The following CR1L variants were observed in gnomAD, a reference collection of about 807,000 sequenced individuals.
The protein encoded by CR1L is complement C3b/C4b receptor 1 like, also known as complement component receptor 1-like protein.
CR1L carries 59 observed loss-of-function variants against 62.3 expected under a neutral mutation model. That is an observed-to-expected ratio of 0.95 (90% CI 0.77 to 1.18). The LOEUF (loss-of-function observed/expected upper bound fraction) is 1.18, where lower values mean the gene tolerates loss of function less well. CR1L is among the 50% of genes most tolerant of loss of function. CR1L has a pLI of 0.00. For missense variants in CR1L, 700 were observed against 702.8 expected (o/e 1.00, Z 0.04); for synonymous variants, 279 against 248.7 (o/e 1.12, Z -1.15).
At chr1:207,717,762 T>C (rs1558027579) in intron 11 of CR1L, 71 bp downstream of exon 11, 1 of 1,555,788 alleles carries the variant, frequency 6.4e-7, no homozygotes, top group East Asian at 2.3e-5. Context: ...ATTTCTATAG[T>C]GACAGTCATT....
intron 2 of CR1L, 71 bp from the exon 3 acceptor site, chr1:207,678,127 T>G: frequency 1.2e-5 from 16 of 1,359,596 alleles, no homozygotes; most frequent in Non-Finnish European, 1.5e-5. Context: ...ATAGGCAGGT[T>G]GAGACCTTAT....
intron 1 of CR1L, among the ~76,000 whole-genome samples, chr1:207,673,759 G>A (rs1007132425): frequency 7.9e-5 from 12 of 151,948 alleles, no homozygotes; most frequent in African/African-American, 1.9e-4. Flanking sequence ...TAGTTCAACC[G>A]TTTCTTAAAA....
At chr1:207,669,358 A>G (rs978449803) in intron 1 of CR1L, 7 of 848,072 alleles carry the variant, frequency 8.3e-6, no homozygotes, top group Admixed American at 2.0e-5. Flanking sequence ...GAGCACAAGG[A>G]TTGGTCACTC....
At chr1:207,698,612 C>T (rs1186321969) in intron 7 of CR1L, among the ~76,000 whole-genome samples, 2 of 152,176 alleles carry the variant, frequency 1.3e-5, no homozygotes, top group Admixed American at 6.5e-5. Context: ...GGCATCGGGG[C>T]CCAACAGACA....
At chr1:207,702,103 G>A (rs914412082) in intron 9 of CR1L, among the ~76,000 whole-genome samples, 4 of 152,116 alleles carry the variant, frequency 2.6e-5, no homozygotes, top group African/African-American at 9.7e-5. Context: ...ATGTCAGTTG[G>A]CATCATTTAT....
At chr1:207,657,137 T>C (rs1208916891) in intron 1 of CR1L, 1 of 799,698 alleles carries the variant, frequency 1.3e-6, no homozygotes, top group Admixed American at 1.8e-5. Context: ...TTTGTGCACA[T>C]GACCTCCAAA....
At position 207,645,290 on chromosome 1, in the gene CR1L, G is replaced by T; in HGVS notation, c.57G>T (p.Leu19Phe). 1 of 1,613,958 alleles carries T rather than the reference G, an allele frequency of 6.2e-7. No individual in the cohort carries two copies. The highest frequency in any genetic ancestry group is 8.5e-7 in the Non-Finnish European group (1 of 1,180,010). ...RPFPSRRFPG[L>F]LLAALVLLLS... Reference sequence around the variant, plus strand: ...TTCCTTCCCGGCGCTTTCCTGGGTTGCTTCTGGCGGCCCTGGTGTTGCTGC... The same window carrying T: ...TTCCTTCCCGGCGCTTTCCTGGGTTTCTTCTGGCGGCCCTGGTGTTGCTGC... The change falls in exon 1 of 12, where the codon TTG (leucine) becomes TTT (phenylalanine). Residue 19 changes from leucine (L) to phenylalanine (F), a missense_variant. Leu to Phe is a conservative substitution (Grantham distance 22). Coordinates refer to ENST00000508064, the MANE Select transcript of CR1L (RefSeq NM_175710.2).
At position 207,681,514 on chromosome 1, in the gene CR1L, T is replaced by C. The variant is rs192432755; in HGVS notation, c.378-2358T>C. Among the ~76,000 whole-genome samples the C allele has an allele frequency of 3.3e-5, 5 of 152,358 alleles. No homozygotes were observed. The East Asian group carries it at 9.6e-4, about 29-fold the overall frequency. ...AACCATTATTTGTTCAAGTACTTAA[T>C]CTACTTTGGGACACAAGTTTAATAA... On this transcript the variant is annotated intron_variant, in intron 3 of 11. Transcript: ENST00000508064.
At chr1:207,683,098 C>G (rs1456702990) in intron 3 of CR1L, among the ~76,000 whole-genome samples, 1 of 146,846 alleles carries the variant, frequency 6.8e-6, no homozygotes, top group South Asian at 2.2e-4. Context: ...CTTTCTCTTT[C>G]TCTCTCTCTC....
chr1:207,700,755 G>T (rs961576941), intron 8 of CR1L, among the ~76,000 whole-genome samples: 2 of 152,166 alleles, frequency 1.3e-5, no homozygotes, highest in Admixed American at 6.5e-5. Context: ...TCCCAAGAAC[G>T]TAGGCCCCTT....
chr1:207,708,054 T>C (rs1241130063), intron 9 of CR1L, 124 bp from the exon 10 acceptor site: 1 of 1,155,640 alleles, frequency 8.7e-7, no homozygotes, highest in Non-Finnish European at 1.3e-6. Flanking sequence ...GAACAATAGG[T>C]AAAGTTTAGG....
At chr1:207,695,162 G>C (rs182564049) in intron 5 of CR1L, among the ~76,000 whole-genome samples, 24 of 152,220 alleles carry the variant, frequency 1.6e-4, no homozygotes, top group African/African-American at 5.3e-4. Context: ...GTCTTGATCT[G>C]TCACTCAAGT....
Position 207,694,449 on chromosome 1 carries a change from G to A in CR1L, c.560G>A (p.Cys187Tyr), listed in dbSNP as rs766799888. 6.2e-7 allele frequency: 1 copy of A among 1,614,000 alleles called. No homozygotes were observed. The highest frequency in any genetic ancestry group is 8.5e-7 in the Non-Finnish European group (1 of 1,179,902). ...TATGGATCAGTGGTGACCTACCACTGCAATCTTGGAAGCAGAGGGAAAAAG... is the reference window on the plus strand; with the variant it reads ...TATGGATCAGTGGTGACCTACCACTACAATCTTGGAAGCAGAGGGAAAAAG... The part of the protein sequence containing the change: ...FHYGSVVTYH[C>Y]NLGSRGKKVF... The change falls in exon 5 of 12, where the codon TGC (cysteine) becomes TAC (tyrosine). Residue 187 changes from cysteine to tyrosine, a missense_variant. Coordinates refer to ENST00000508064, the MANE Select transcript of CR1L (RefSeq NM_175710.2).
chr1:207,722,232 G>A (rs1455933431), intron 11 of CR1L, among the ~76,000 whole-genome samples: 31 of 112,474 alleles, frequency 2.8e-4, no homozygotes, highest in African/African-American at 8.2e-4. Flanking sequence ...TTTTGTTGCC[G>A]TTGCTTTTGG....
At chr1:207,680,697 A>G (rs982600529) in intron 3 of CR1L, among the ~76,000 whole-genome samples, 1 of 152,242 alleles carries the variant, frequency 6.6e-6, no homozygotes, top group Non-Finnish European at 1.5e-5. Flanking sequence ...GACTGTGGCT[A>G]TGCAGCCTGA....
In CR1L at chr1:207,645,346, G is replaced by A; in HGVS notation, c.97+16G>A. ...TCCTTCTCCGGTAGGACCCCGGGGT[G>A]GATTCGCGCGTCCGCGGCGAGGCTA... On this transcript the variant is annotated intron_variant, in intron 1 of 11. Transcript: ENST00000508064. The A allele has an allele frequency of 1.2e-6, 2 of 1,613,410 alleles. No homozygotes were observed. The highest frequency in any genetic ancestry group is 8.5e-7 in the Non-Finnish European group (1 of 1,179,438).
At chr1:207,710,094 C>T (rs1392762230) in intron 10 of CR1L, among the ~76,000 whole-genome samples, 1 of 152,026 alleles carries the variant, frequency 6.6e-6, no homozygotes, top group Non-Finnish European at 1.5e-5. Context: ...CCTGTAATCT[C>T]AGCATTTGGA....
chr1:207,712,881 G>C (rs1229479196), intron 10 of CR1L, among the ~76,000 whole-genome samples: 1 of 152,234 alleles, frequency 6.6e-6, no homozygotes, highest in Non-Finnish European at 1.5e-5. Context: ...GTGTGACCCA[G>C]TGTTGAGACC....
At chr1:207,657,156 A>T in intron 1 of CR1L, 1 of 903,628 alleles carries the variant, frequency 1.1e-6, no homozygotes, top group Non-Finnish European at 1.9e-6. Flanking sequence ...AAAATAAAAA[A>T]TGGAAAACAC....
Sources: gnomAD v4.1 joint callset for allele counts (sites outside exome capture counted in the v4.1 genomes callset) on GRCh38, gnomAD v4.1.1 for gene constraint, MANE v1.5 for transcripts, NCBI Gene and HGNC (gene_info 2026-07-23, HGNC 2026-07-21) for gene names.